Variants in ZC3H12D observed in about 807,000 individuals in gnomAD.
ZC3H12D encodes the protein zinc finger CCCH-type containing 12D.
A neutral mutation model predicts 24.2 loss-of-function variants in ZC3H12D; 11 were observed. That is an observed-to-expected ratio of 0.46 (90% CI 0.29 to 0.75). The LOEUF is 0.75. ZC3H12D is among the 30% of genes least tolerant of loss of function. ZC3H12D has a pLI of 0.11. For synonymous variants in ZC3H12D, 333 were observed against 341.8 expected (o/e 0.97, Z 0.28); for missense variants, 740 against 767.7 (o/e 0.96, Z 0.43).
chr6:149,449,994 G>T lies in ZC3H12D; in HGVS notation c.*689C>A, dbSNP rs552295847. The T allele has an allele frequency of 1.8e-3, 276 of 152,188 alleles. No individual in the cohort carries two copies. The highest frequency in any genetic ancestry group is 3.0e-3 in the Non-Finnish European group (202 of 68,420). The allele number at this position is 152,188 out of a possible 1,614,324, so 9.4% of individuals were successfully genotyped here. A position where few individuals can be genotyped will look rare whatever the true frequency, so the allele number is the denominator to read the frequency against. On this transcript the variant is annotated 3_prime_UTR_variant, in exon 6 of 6. Transcript: ENST00000409806. ...GGTATGTGTGTGAAGGCCCCAGAAG[G>T]TGGCCCTGGGACAAAGCGCTCCTAC... is the stretch of plus-strand genomic sequence containing the variant.
In ZC3H12D at chr6:149,456,616, G is replaced by GCCCCCCCCCCCCCCCCC. The variant is rs1344407402; in HGVS notation, c.680+49_680+50insGGGGGGGGGGGGGGGGG. ...AGGCGTGGCCACTGCCTCGACCCCG[G>GCCCCCCCCCCCCCCCCC]CCCCCCGCCCCGCCGCCCCCCAGGG... On this transcript the variant is annotated intron_variant, in intron 4 of 5. Transcript: ENST00000409806. This position sits in a 1 kb window ranked among gnomAD's most constrained non-coding sequence, Gnocchi z 4.3. 140 of 1,130,242 alleles carry GCCCCCCCCCCCCCCCCC rather than the reference G, an allele frequency of 1.2e-4. No individual in the cohort carries two copies. The highest frequency in any genetic ancestry group is 2.8e-4 in the East Asian group (11 of 39,774). 70.0% of individuals were successfully genotyped at this position (1,130,242 alleles called of 1,614,324 possible).
At chr6:149,482,427 C>T (rs868692393) in intron 1 of ZC3H12D, among the ~76,000 whole-genome samples, 1 of 152,334 alleles carries the variant, frequency 6.6e-6, no homozygotes, top group South Asian at 2.1e-4. Context: ...GACTGGAAGT[C>T]ACACTCTGTC....
At chr6:149,474,192 C>G in intron 2 of ZC3H12D, 47 bp downstream of exon 2, 1 of 1,419,010 alleles carries the variant, frequency 7.0e-7, no homozygotes, top group Admixed American at 2.5e-5. Flanking sequence ...AGGGCTCCTG[C>G]GAACAGGGGC....
At chr6:149,472,625 T>C (rs1776263489) in intron 2 of ZC3H12D, among the ~76,000 whole-genome samples, 1 of 152,048 alleles carries the variant, frequency 6.6e-6, no homozygotes, top group South Asian at 2.1e-4. Flanking sequence ...GGCTTAAGTT[T>C]GACTCCAAGC....
chr6:149,453,876 T>C (rs1281249089), intron 4 of ZC3H12D, among the ~76,000 whole-genome samples: 1 of 152,076 alleles, frequency 6.6e-6, no homozygotes, highest in African/African-American at 2.4e-5. Context: ...CATCTCTAAA[T>C]AAACAAACAA....
chr6:149,462,376 CA>C (rs779266389), intron 2 of ZC3H12D, among the ~76,000 whole-genome samples: 1 of 141,340 alleles, frequency 7.1e-6, no homozygotes, highest in Non-Finnish European at 1.5e-5. Flanking sequence ...TCTGTCTCAA[CA>C]AAAAACAAAA....
At chr6:149,466,653 G>A (rs889272287) in intron 2 of ZC3H12D, among the ~76,000 whole-genome samples, 43 of 151,596 alleles carry the variant, frequency 2.8e-4, no homozygotes, top group African/African-American at 9.0e-4. Context: ...CGAGGCGGGC[G>A]GATCACGAGG....
intron 3 of ZC3H12D, among the ~76,000 whole-genome samples, chr6:149,460,428 G>C (rs1776053390): frequency 6.6e-6 from 1 of 152,356 alleles, no homozygotes; most frequent in East Asian, 1.9e-4. Flanking sequence ...GTGCCTGGTG[G>C]CTCATGCCAG....
At chr6:149,474,779 G>GTCCTCTTC (rs1449450788) in intron 1 of ZC3H12D, among the ~76,000 whole-genome samples, 166 bp from the exon 2 acceptor site, 1 of 152,240 alleles carries the variant, frequency 6.6e-6, no homozygotes, top group Non-Finnish European at 1.5e-5. Context: ...AGCTGCAGAA[G>GTCCTCTTC]CAATCACGCT....
At chr6:149,453,191 C>T (rs926001043) in intron 4 of ZC3H12D, among the ~76,000 whole-genome samples, 1 of 150,436 alleles carries the variant, frequency 6.6e-6, no homozygotes, top group African/African-American at 2.4e-5. Context: ...GTCCCAGCTA[C>T]TCGGGAGGCT....
Position 149,449,169 on chromosome 6 carries a change from C to G in ZC3H12D, c.*1514G>C, listed in dbSNP as rs1356208547. On this transcript the variant is annotated 3_prime_UTR_variant, in exon 6 of 6. Coordinates refer to ENST00000409806, the MANE Select transcript of ZC3H12D (RefSeq NM_207360.3). ...AGGCCCTTTCTCCTCAAACCCAGAG[C>G]AGTAGCTGGCTAGAAGAAACGGCAC... 1 of 152,246 alleles carries G rather than the reference C, an allele frequency of 6.6e-6. No individual in the cohort carries two copies. Among genetic ancestry groups the G allele is most frequent in the Admixed American group, 6.5e-5 (1 of 15,286 alleles). 9.4% of individuals were successfully genotyped at this position (152,246 alleles called of 1,614,324 possible). A position where few individuals can be genotyped will look rare whatever the true frequency, so the allele number is the denominator to read the frequency against.
intron 2 of ZC3H12D, among the ~76,000 whole-genome samples, chr6:149,473,480 G>T (rs551696691): frequency 6.6e-6 from 1 of 152,194 alleles, no homozygotes; most frequent in African/African-American, 2.4e-5. Flanking sequence ...GCCCCACTTC[G>T]CCCAGCAGGG....
rs778390681 is a variant in ZC3H12D, at chr6:149,447,716, G to A, written c.*2967C>T. 1 of 152,102 alleles carries A rather than the reference G, an allele frequency of 6.6e-6. No individual in the cohort carries two copies. The highest frequency in any genetic ancestry group is 1.5e-5 in the Non-Finnish European group (1 of 68,014). 9.4% of individuals were successfully genotyped at this position (152,102 alleles called of 1,614,324 possible). On this transcript the variant is annotated 3_prime_UTR_variant, in exon 6 of 6. Transcript: ENST00000409806. ...TTACCTGTCCCATCTATGTTTTTCT[G>A]TCACAAAGACATATACTAAGACTTT...
chr6:149,458,123 C>CTTTTTTTTTTTTTTTTTTTTTT (rs1776014908), intron 3 of ZC3H12D, among the ~76,000 whole-genome samples: 1 of 47,160 alleles, frequency 2.1e-5, no homozygotes, highest in Non-Finnish European at 3.7e-5. Flanking sequence ...TTTTTTTTTT[C>CTTTTTTTTTTTTTTTTTTTTTT]GTTTCTTTTT....
At chr6:149,461,770 T>C in intron 3 of ZC3H12D, 61 bp downstream of exon 3, 1 of 1,491,374 alleles carries the variant, frequency 6.7e-7, no homozygotes, top group East Asian at 2.5e-5. Flanking sequence ...ACTATCGATG[T>C]TAGAAGTGCA....
Position 149,456,627 on chromosome 6 carries a change from C to CCCCCCCCCCCCCGGGGGGGG in ZC3H12D, c.680+38_680+39insCCCCCCCCGGGGGGGGGGGG. The CCCCCCCCCCCCCGGGGGGGG allele has an allele frequency of 7.8e-6, 11 of 1,403,076 alleles. No homozygotes were observed. The highest frequency in any genetic ancestry group is 1.0e-5 in the Non-Finnish European group (10 of 997,686). The allele number at this position is 1,403,076 out of a possible 1,614,324, so 86.9% of individuals were successfully genotyped here. On this transcript the variant is annotated intron_variant, in intron 4 of 5. Transcript: ENST00000409806. The surrounding 1 kb of genome is among the most constrained non-coding windows in gnomAD (Gnocchi z 4.3). ...CTGCCTCGACCCCGGCCCCCCGCCC[C>CCCCCCCCCCCCCGGGGGGGG]GCCGCCCCCCAGGGTGTCAGGACCC...
At position 149,456,594 on chromosome 6, in the gene ZC3H12D, C is replaced by T. The variant is rs1583184809; in HGVS notation, c.680+72G>A. ...CCAAGCTCCTCCACCTGGTAGCAGG[C>T]GTGGCCACTGCCTCGACCCCGGCCC... On this transcript the variant is annotated intron_variant, in intron 4 of 5. Transcript: ENST00000409806. This position sits in a 1 kb window ranked among gnomAD's most constrained non-coding sequence, Gnocchi z 4.3. 5.3e-6 allele frequency: 7 copies of T among 1,309,246 alleles called. No homozygotes were observed. The Admixed American group carries it at 6.0e-5, about 11-fold the overall frequency. The allele number at this position is 1,309,246 out of a possible 1,614,324, so 81.1% of individuals were successfully genotyped here.
intron 3 of ZC3H12D, among the ~76,000 whole-genome samples, chr6:149,460,084 G>A (rs541742045): frequency 6.6e-6 from 1 of 152,316 alleles, no homozygotes; most frequent in East Asian, 1.9e-4. Flanking sequence ...ACACTCTTCT[G>A]TGCTGCCAGT....
chr6:149,480,747 A>T (rs1776412857), intron 1 of ZC3H12D, among the ~76,000 whole-genome samples: 1 of 151,886 alleles, frequency 6.6e-6, no homozygotes, highest in South Asian at 2.1e-4. Context: ...AAAAAAAACA[A>T]AAAAAACAAA....
Sources: allele counts gnomAD v4.1 joint callset (sites outside exome capture counted in the v4.1 genomes callset), GRCh38; gene constraint gnomAD v4.1.1; non-coding constraint Gnocchi (gnomAD v3.1); transcripts MANE v1.5; gene names NCBI Gene and HGNC (gene_info 2026-07-23, HGNC 2026-07-21).